PCDHGA10: variants seen among roughly 807,000 people sequenced by gnomAD.
The protein encoded by PCDHGA10 is protocadherin gamma-A10.
In PCDHGA10, 42 loss-of-function variants were observed where a neutral mutation model predicts 59.5. The ratio of observed to expected loss-of-function variants is 0.71; its 90% CI spans 0.55 to 0.91. The LOEUF is 0.91. Ranked by LOEUF, PCDHGA10 falls within the 40% of genes least tolerant of loss-of-function variation. The probability of loss-of-function intolerance (pLI) is 0.00; values close to 1 mark genes in which losing one functional copy is unlikely to be tolerated. For synonymous variants in PCDHGA10, 511 were observed against 517.2 expected (o/e 0.99, Z 0.16); for missense variants, 1,111 against 1,198.2 (o/e 0.93, Z 1.07).
chr5:141,430,595 G>A (rs549786394), intron 1 of PCDHGA10: 28 of 567,134 alleles, frequency 4.9e-5, no homozygotes, highest in African/African-American at 3.8e-4. Flanking sequence ...CCTTGCACGC[G>A]CCTGAAGCAC....
At chr5:141,466,019 G>C (rs1466918487) in intron 1 of PCDHGA10, among the ~76,000 whole-genome samples, 1 of 152,062 alleles carries the variant, frequency 6.6e-6, no homozygotes, top group African/African-American at 2.4e-5. Flanking sequence ...CTACTCGGGA[G>C]GGTGAGGCAG....
chr5:141,464,970 G>A (rs550643230), intron 1 of PCDHGA10, among the ~76,000 whole-genome samples: 1 of 152,028 alleles, frequency 6.6e-6, no homozygotes, highest in East Asian at 1.9e-4. Flanking sequence ...TTGAACTACT[G>A]GCTTCAAGTG....
intron 1 of PCDHGA10, 42 bp downstream of exon 1, chr5:141,415,653 G>C (rs947379829): frequency 1.4e-5 from 22 of 1,539,304 alleles, no homozygotes; most frequent in Non-Finnish European, 1.9e-5. Context: ...AAAAAAAAAA[G>C]ATTGGTTTTT....
intron 1 of PCDHGA10, chr5:141,421,725 C>T: frequency 6.2e-7 from 1 of 1,613,960 alleles, no homozygotes; most frequent in Non-Finnish European, 8.5e-7. Context: ...TGGGCGTGAA[C>T]TCCCTCCAGA....
Position 141,487,820 on chromosome 5 carries a change from G to A in PCDHGA10, c.2437-6987G>A, listed in dbSNP as rs1024593393. 8 of 1,293,652 alleles carry A rather than the reference G, an allele frequency of 6.2e-6. No individual in the cohort carries two copies. The highest frequency in any genetic ancestry group is 3.7e-4 in the Middle Eastern group (2 of 5,382). 80.1% of individuals were successfully genotyped at this position (1,293,652 alleles called of 1,614,324 possible). A position where few individuals can be genotyped will look rare whatever the true frequency, so the allele number is the denominator to read the frequency against. On this transcript the variant is annotated intron_variant, in intron 1 of 3. Transcript: ENST00000398610. This position sits in a 1 kb window ranked among gnomAD's most constrained non-coding sequence, Gnocchi z 5.0. ...GTTGTCACAGTTTAGCATTGGGGGC[G>A]GGTCATGCCTATATCTGAGTAAGAA...
intron 2 of PCDHGA10, among the ~76,000 whole-genome samples, chr5:141,501,290 T>TACAC (rs55762287): frequency 0.051 from 6,975 of 136,060 alleles, 192 homozygotes; most frequent in African/African-American, 0.071. Context: ...TATTCCCTTA[T>TACAC]ACACACACAC....
intron 1 of PCDHGA10, chr5:141,417,757 G>A: frequency 7.0e-7 from 1 of 1,435,144 alleles, no homozygotes; most frequent in Non-Finnish European, 9.2e-7. Flanking sequence ...CCAGCTCCGA[G>A]ACCCGGGACT....
Position 141,414,942 on chromosome 5 carries a change from C to T in PCDHGA10, c.1767C>T (p.Gly589=). 3 of 1,614,126 alleles carry T rather than the reference C, an allele frequency of 1.9e-6. No individual in the cohort carries two copies. Among genetic ancestry groups the T allele is most frequent in the Non-Finnish European group, 1.7e-6 (2 of 1,180,052 alleles). Residue 589 remains glycine (G), a synonymous_variant, in exon 1 of 4, where the codon GGC becomes GGT. Transcript: ENST00000398610. ...VELAPRSAEP[G]YLVTKVVAVD... is the part of the protein sequence containing the mutation. ...TGGCGCCCCGCTCCGCAGAGCCCGG[C>T]TACCTGGTGACCAAGGTGGTGGCGG...
In PCDHGA10 at chr5:141,459,764, A is replaced by G. The variant is rs980972909; in HGVS notation, c.2437-35043A>G. On this transcript the variant is annotated intron_variant, in intron 1 of 3. Transcript: ENST00000398610. ...TTTTAGCAATTCTAGTGGGTGTGTG[A>G]TACTATCTCATTGAAGTTTCAACTG... Among the ~76,000 whole-genome samples, 56 of 152,208 alleles carry G rather than the reference A, an allele frequency of 3.7e-4. 1 individual carries two copies. Among genetic ancestry groups the G allele is most frequent in the Admixed American group, 6.5e-5 (1 of 15,274 alleles).
At position 141,487,147 on chromosome 5, in the gene PCDHGA10, T is replaced by C; in HGVS notation, c.2437-7660T>C. 1 of 1,614,122 alleles carries C rather than the reference T, an allele frequency of 6.2e-7. No individual in the cohort carries two copies. Among genetic ancestry groups the C allele is most frequent in the Non-Finnish European group, 8.5e-7 (1 of 1,179,952 alleles). On this transcript the variant is annotated intron_variant, in intron 1 of 3. Transcript: ENST00000398610. This position sits in a 1 kb window ranked among gnomAD's most constrained non-coding sequence, Gnocchi z 5.0. ...GTGGTAGTCCACCACTCTCTACCTC[T>C]GTTACTCTCTTAGTGTCCTTAGAGG...
chr5:141,433,289 G>A, intron 1 of PCDHGA10: 1 of 1,130,682 alleles, frequency 8.8e-7, no homozygotes, highest in Non-Finnish European at 1.3e-6. Flanking sequence ...AAACTCCTAG[G>A]CTCAAGCAAT....
chr5:141,483,401 A>G (rs1052240280), intron 1 of PCDHGA10, among the ~76,000 whole-genome samples: 2 of 152,202 alleles, frequency 1.3e-5, no homozygotes, highest in African/African-American at 4.8e-5. Context: ...TGCTTGAACC[A>G]GCACAGTGGC....
chr5:141,463,041 G>C (rs1383781857), intron 1 of PCDHGA10, among the ~76,000 whole-genome samples: 1 of 152,114 alleles, frequency 6.6e-6, no homozygotes, highest in African/African-American at 2.4e-5. Flanking sequence ...TGAGTGTTCA[G>C]CAGGGTCTCT....
rs752402965 is a variant in PCDHGA10, at chr5:141,491,400, C to G, written c.2437-3407C>G. The G allele has an allele frequency of 2.7e-5, 44 of 1,613,990 alleles. No individual in the cohort carries two copies. The highest frequency in any genetic ancestry group is 3.5e-5 in the Non-Finnish European group (41 of 1,179,996). On this transcript the variant is annotated intron_variant, in intron 1 of 3. Coordinates refer to ENST00000398610, the MANE Select transcript of PCDHGA10 (RefSeq NM_018913.3). The surrounding 1 kb of genome is among the most constrained non-coding windows in gnomAD (Gnocchi z 6.9). ...TGTCAGCGAAGTGCCTTCAGGGAAA[C>G]GCAGACGGGGACGGGGGTGGAGGGC... is the stretch of plus-strand genomic sequence containing the variant.
rs374253072 is a variant in PCDHGA10, at chr5:141,476,894, G to A, written c.2437-17913G>A. ...GCGCGTCCTGGAGGATGCACCCTCCGGCACGCGCGTGGTACAAGTCCTTGC... is the reference window on the plus strand; with the variant it reads ...GCGCGTCCTGGAGGATGCACCCTCCAGCACGCGCGTGGTACAAGTCCTTGC... On this transcript the variant is annotated intron_variant, in intron 1 of 3. Transcript: ENST00000398610. The surrounding 1 kb of genome is among the most constrained non-coding windows in gnomAD (Gnocchi z 7.6). 48 of 1,613,834 alleles carry A rather than the reference G, an allele frequency of 3.0e-5. No homozygotes were observed. In the African/African-American group the frequency reaches 5.6e-4, roughly 19 times the overall value.
At chr5:141,421,973 G>C in intron 1 of PCDHGA10, 1 of 1,610,100 alleles carries the variant, frequency 6.2e-7, no homozygotes, top group Non-Finnish European at 8.5e-7. Context: ...TCCGTATATC[G>C]CGTGAGTGTT....
rs750036800 is a variant in PCDHGA10, at chr5:141,419,495, G to A, written c.2436+3884G>A. On this transcript the variant is annotated intron_variant, in intron 1 of 3. Coordinates refer to ENST00000398610, the MANE Select transcript of PCDHGA10 (RefSeq NM_018913.3). ...GGGCTCGCCCGCGCTCAGCGCCAAT[G>A]TGAGCCTGCGCGTGTTGGTGGGCGA... The A allele has an allele frequency of 5.0e-6, 8 of 1,612,432 alleles. No individual in the cohort carries two copies. The Admixed American group carries it at 1.3e-4, about 27-fold the overall frequency.
In PCDHGA10 at chr5:141,491,789, T is replaced by G; in HGVS notation, c.2437-3018T>G. The G allele has an allele frequency of 6.6e-7, 1 of 1,525,854 alleles. No individual in the cohort carries two copies. Among genetic ancestry groups the G allele is most frequent in the Non-Finnish European group, 8.8e-7 (1 of 1,137,340 alleles). The allele number at this position is 1,525,854 out of a possible 1,614,324, so 94.5% of individuals were successfully genotyped here. ...CATAAGGGATTGAACTTGCATCCAC[T>G]CCTCTCCGGCCGGCTTGGTCGCTGG... On this transcript the variant is annotated intron_variant, in intron 1 of 3. Transcript: ENST00000398610. The surrounding 1 kb of genome is among the most constrained non-coding windows in gnomAD (Gnocchi z 6.9).
rs1594951324 is a variant in PCDHGA10, at chr5:141,490,871, T to G, written c.2437-3936T>G. 6.2e-7 allele frequency: 1 copy of G among 1,613,918 alleles called. No individual in the cohort carries two copies. The highest frequency in any genetic ancestry group is 8.5e-7 in the Non-Finnish European group (1 of 1,179,944). On this transcript the variant is annotated intron_variant, in intron 1 of 3. Coordinates refer to ENST00000398610, the MANE Select transcript of PCDHGA10 (RefSeq NM_018913.3). This position sits in a 1 kb window ranked among gnomAD's most constrained non-coding sequence, Gnocchi z 5.4. ...GTTCGAGACTCCGGCTCTCCCCCAT[T>G]GCATGCCAACACATCTCTGCATGTG...
Sources: allele counts gnomAD v4.1 joint callset (sites outside exome capture counted in the v4.1 genomes callset), GRCh38; gene constraint gnomAD v4.1.1; non-coding constraint Gnocchi (gnomAD v3.1); transcripts MANE v1.5; gene names NCBI Gene and HGNC (gene_info 2026-07-23, HGNC 2026-07-21).